SHISA9: variants seen among roughly 807,000 people sequenced by gnomAD.
The protein encoded by SHISA9 is protein shisa-9.
In SHISA9, 13 loss-of-function variants were observed where a neutral mutation model predicts 38.0. That is an observed-to-expected ratio of 0.34 (90% confidence interval 0.22 to 0.54). The LOEUF (loss-of-function observed/expected upper bound fraction) is 0.54, where lower values mean the gene tolerates loss of function less well. Among genes scored for constraint, SHISA9 ranks in the 20% least tolerant of loss-of-function variants. The pLI is 0.91. For missense variants in SHISA9, 538 were observed against 575.8 expected, an observed-to-expected ratio of 0.93 and a Z score of 0.67; for synonymous variants, 275 against 242.0, an observed-to-expected ratio of 1.14 and a Z score of -1.27.
At chr16:13,385,795 A>G in the SHISA9 span, among the ~76,000 whole-genome samples, 498 of 152,208 alleles carry the variant, frequency 3.3e-3, 3 homozygotes, top group Non-Finnish European at 6.2e-3. Flanking sequence ...TGGTATATCC[A>G]TACCATGAAA....
At chr16:13,260,007 CTTTTTTTTT>C in the SHISA9 span, among the ~76,000 whole-genome samples, 27 of 60,418 alleles carry the variant, frequency 4.5e-4, no homozygotes, top group Admixed American at 2.0e-3. Flanking sequence ...TTCTTTCTTT[CTTTTTTTTT>C]TTTTTTTTTT....
At chr16:13,283,726 C>T in the SHISA9 span, among the ~76,000 whole-genome samples, 1 of 151,960 alleles carries the variant, frequency 6.6e-6, no homozygotes, top group African/African-American at 2.4e-5. Context: ...ACCATATCAT[C>T]TAGGATGTGT....
chr16:12,923,999 A>G (rs1206468410), intron 2 of SHISA9, among the ~76,000 whole-genome samples: 3 of 152,192 alleles, frequency 2.0e-5, no homozygotes, highest in Admixed American at 2.0e-4. Context: ...GACCATCTCA[A>G]GAACTTCAGG....
At chr16:13,125,171 G>T (rs1183145516) in intron 2 of SHISA9, among the ~76,000 whole-genome samples, 1 of 152,152 alleles carries the variant, frequency 6.6e-6, no homozygotes, top group Non-Finnish European at 1.5e-5. Context: ...TCAACAAAGT[G>T]AAGAGACCAC....
At position 13,222,131 on chromosome 16, in the gene SHISA9, A is replaced by G. The variant is rs533567452; in HGVS notation, c.895+8831A>G. 1.9e-4 allele frequency among the ~76,000 whole-genome samples: 29 copies of G among 152,306 alleles called. No individual in the cohort carries two copies. In the South Asian group the frequency reaches 5.8e-3, roughly 30 times the overall value. On this transcript the variant is annotated intron_variant, in intron 4 of 4. Transcript: ENST00000558583. ...TCAGATCTCATGAGACTTATTCATT[A>G]TCACAAGAACAGCACAGGAAAAACC...
At chr16:13,148,127 C>T (rs576439441) in intron 2 of SHISA9, among the ~76,000 whole-genome samples, 1 of 152,292 alleles carries the variant, frequency 6.6e-6, no homozygotes, top group East Asian at 1.9e-4. Flanking sequence ...ACAACATACA[C>T]ACCTGCCAGC....
the SHISA9 span, among the ~76,000 whole-genome samples, chr16:13,437,719 C>CT: frequency 2.6e-5 from 4 of 152,228 alleles, no homozygotes; most frequent in South Asian, 8.3e-4. Context: ...TTGATATCAG[C>CT]TTTTTTCCCC....
At chr16:13,107,468 A>AACAC (rs1396196953) in intron 2 of SHISA9, among the ~76,000 whole-genome samples, 4 of 97,884 alleles carry the variant, frequency 4.1e-5, no homozygotes, top group Non-Finnish European at 6.0e-5. Flanking sequence ...ACAAAAAAAC[A>AACAC]ACAGACACAC....
chr16:13,048,969 C>A (rs571506398), intron 2 of SHISA9, among the ~76,000 whole-genome samples: 63 of 152,288 alleles, frequency 4.1e-4, no homozygotes, highest in African/African-American at 1.5e-3. Context: ...CTGAGTCTGC[C>A]ATTCAACTCA....
intron 4 of SHISA9, among the ~76,000 whole-genome samples, chr16:13,221,571 G>A (rs1265958899): frequency 6.6e-6 from 1 of 151,370 alleles, no homozygotes; most frequent in Non-Finnish European, 1.5e-5. Context: ...GTACTAAAAT[G>A]TCCCACAAAT....
At chr16:13,471,452 G>A in the SHISA9 span, among the ~76,000 whole-genome samples, 1 of 152,146 alleles carries the variant, frequency 6.6e-6, no homozygotes, top group Non-Finnish European at 1.5e-5. Flanking sequence ...TTTTCCTCAT[G>A]GGAATATAAG....
chr16:12,950,904 G>A (rs559590261), intron 2 of SHISA9, among the ~76,000 whole-genome samples: 33 of 147,196 alleles, frequency 2.2e-4, no homozygotes, highest in African/African-American at 4.9e-4. Flanking sequence ...CACTGCGCCC[G>A]GCCCTTTTAA....
intron 2 of SHISA9, among the ~76,000 whole-genome samples, chr16:13,064,104 T>G (rs955377733): frequency 6.6e-6 from 1 of 152,182 alleles, no homozygotes; most frequent in African/African-American, 2.4e-5. Flanking sequence ...GGAGTCTCAC[T>G]GTGTTGCCCA....
At chr16:13,211,169 C>T (rs1157904840) in intron 3 of SHISA9, among the ~76,000 whole-genome samples, 5 of 151,944 alleles carry the variant, frequency 3.3e-5, no homozygotes, top group East Asian at 1.9e-4. Flanking sequence ...TGGTGCTGCT[C>T]GCCTATAACC....
At chr16:13,278,768 G>C in the SHISA9 span, among the ~76,000 whole-genome samples, 1 of 151,870 alleles carries the variant, frequency 6.6e-6, no homozygotes, top group Non-Finnish European at 1.5e-5. Flanking sequence ...GATATCTCCT[G>C]TTTCATTTCT....
intron 2 of SHISA9, among the ~76,000 whole-genome samples, chr16:12,973,850 G>A (rs1265909479): frequency 1.3e-5 from 2 of 152,162 alleles, no homozygotes; most frequent in Non-Finnish European, 2.9e-5. Flanking sequence ...TGTCTGTATA[G>A]CCTCGAAAAA....
At chr16:13,090,085 G>A (rs2073757738) in intron 2 of SHISA9, among the ~76,000 whole-genome samples, 1 of 152,210 alleles carries the variant, frequency 6.6e-6, no homozygotes, top group South Asian at 2.1e-4. Context: ...GGAGCAAGTT[G>A]TTCAGTTTCC....
intron 2 of SHISA9, among the ~76,000 whole-genome samples, chr16:13,091,697 C>T (rs546831208): frequency 1.4e-4 from 21 of 152,222 alleles, no homozygotes; most frequent in African/African-American, 2.2e-4. Flanking sequence ...GTTAGCCATT[C>T]GTCTAATCTT....
intron 2 of SHISA9, among the ~76,000 whole-genome samples, chr16:13,087,556 T>G (rs542193651): frequency 1.3e-5 from 2 of 152,218 alleles, no homozygotes; most frequent in Non-Finnish European, 2.9e-5. Context: ...TGGTTTTGAT[T>G]TGCATTTCTC....
Sources: allele counts gnomAD v4.1 joint callset (sites outside exome capture counted in the v4.1 genomes callset), GRCh38; gene constraint gnomAD v4.1.1; transcripts MANE v1.5; gene names NCBI Gene and HGNC (gene_info 2026-07-23, HGNC 2026-07-21).